SLIRP: variants seen among roughly 807,000 people sequenced by gnomAD.
SLIRP encodes SRA stem-loop-interacting RNA-binding protein, mitochondrial.
A neutral mutation model predicts 13.4 loss-of-function variants in SLIRP; 12 were observed. That is an observed-to-expected ratio of 0.89 (90% CI 0.57 to 1.45). SLIRP has a LOEUF of 1.45. Ranked by LOEUF, SLIRP falls within the 40% of genes most tolerant of loss-of-function variation. The probability of loss-of-function intolerance (pLI) is 0.00; values close to 1 mark genes in which losing one functional copy is unlikely to be tolerated. For synonymous variants in SLIRP, 55 were observed against 47.1 expected (o/e 1.17, Z -0.69); for missense variants, 154 against 132.2 (o/e 1.17, Z -0.81).
At chr14:77,710,413 G>GA (rs1473385307) in intron 1 of SLIRP, 1 of 421,540 alleles carries the variant, frequency 2.4e-6, no homozygotes, top group East Asian at 7.0e-5. Flanking sequence ...AATAAGGCAG[G>GA]AAGGGTAGGT....
At chr14:77,713,377 T>TG (rs2139879154) in intron 2 of SLIRP, among the ~76,000 whole-genome samples, 1 of 152,240 alleles carries the variant, frequency 6.6e-6, no homozygotes, top group African/African-American at 2.4e-5. Context: ...TGCAGCACTG[T>TG]AAGGGCTGTG....
intron 2 of SLIRP, among the ~76,000 whole-genome samples, chr14:77,714,836 G>A (rs142460717): frequency 1.2e-3 from 187 of 152,290 alleles, no homozygotes; most frequent in African/African-American, 4.2e-3. Context: ...GGACCAGTTT[G>A]TCATCTACAG....
At chr14:77,715,936 T>TG in intron 3 of SLIRP, 57 bp downstream of exon 3, 24 of 1,266,232 alleles carry the variant, frequency 1.9e-5, no homozygotes, top group Non-Finnish European at 2.6e-5. Context: ...ACTATTTAAT[T>TG]ATGTATCAAT....
Position 77,717,522 on chromosome 14 carries a change from A to G in SLIRP, c.291A>G (p.Lys97=). Residue 97 remains lysine (K), a synonymous_variant, in exon 4 of 4, where the codon AAA becomes AAG. Transcript: ENST00000557342. ...VKVQVHTRRP[K]LPQTSDDEKK... The stretch of plus-strand genomic sequence containing the variant: ...TCCAGGTTCACACTAGAAGGCCAAA[A>G]CTTCCGCAAACATCTGATGATGAAA... 6.2e-7 allele frequency: 1 copy of G among 1,614,076 alleles called. No individual in the cohort carries two copies. The highest frequency in any genetic ancestry group is 8.5e-7 in the Non-Finnish European group (1 of 1,180,004).
chr14:77,715,425 C>T lies in SLIRP; in HGVS notation c.157-347C>T, dbSNP rs538914105. 1.2e-4 allele frequency among the ~76,000 whole-genome samples: 19 copies of T among 152,196 alleles called. No individual in the cohort carries two copies. The East Asian group carries it at 3.7e-3, about 29-fold the overall frequency. Reference sequence around the variant, plus strand: ...TTGGGAGGCCCAGATGGGAAGATTGCTTGAGCCCAGGAGTTTGAGACCGGC... The same window carrying T: ...TTGGGAGGCCCAGATGGGAAGATTGTTTGAGCCCAGGAGTTTGAGACCGGC... On this transcript the variant is annotated intron_variant, in intron 2 of 3. Transcript: ENST00000557342.
intron 2 of SLIRP, among the ~76,000 whole-genome samples, chr14:77,713,721 T>C (rs758699073): frequency 9.2e-5 from 14 of 152,216 alleles, no homozygotes; most frequent in Non-Finnish European, 5.9e-5. Flanking sequence ...GATTAGATAT[T>C]AAGTCACTGA....
intron 3 of SLIRP, among the ~76,000 whole-genome samples, chr14:77,717,045 G>A (rs555143793): frequency 3.1e-4 from 47 of 152,274 alleles, no homozygotes; most frequent in African/African-American, 1.1e-3. Context: ...GATTACAGGC[G>A]TGAGCCACAG....
rs2080409951 is a variant in SLIRP, at chr14:77,708,137, C to T, written c.26C>T (p.Ala9Val). 11 of 1,613,814 alleles carry T rather than the reference C, an allele frequency of 6.8e-6. No individual in the cohort carries two copies. The highest frequency in any genetic ancestry group is 1.3e-5 in the African/African-American group (1 of 74,916). Residue 9 changes from alanine (A) to valine (V), a missense_variant, in exon 1 of 4, where the codon GCT becomes GTT. Transcript: ENST00000557342. Reference protein sequence around the residue: MAASAARGAAALRRSINQP... With the variant: MAASAARGVAALRRSINQP... ...ATGGCGGCCTCAGCAGCGAGAGGTG[C>T]TGCGGCGCTGCGTAGAAGTATCAAT...
At chr14:77,710,413 G>C (rs991342895) in intron 1 of SLIRP, 1 of 421,540 alleles carries the variant, frequency 2.4e-6, no homozygotes, top group South Asian at 1.8e-5. Context: ...AATAAGGCAG[G>C]AAGGGTAGGT....
In SLIRP at chr14:77,711,461, A is replaced by G. The variant is rs138180429; in HGVS notation, c.156+565A>G. 1.5e-3 allele frequency among the ~76,000 whole-genome samples: 233 copies of G among 152,104 alleles called. 2 individuals are homozygous for G. The highest frequency in any genetic ancestry group is 2.7e-3 in the Admixed American group (41 of 15,274). On this transcript the variant is annotated intron_variant, in intron 2 of 3. Coordinates refer to ENST00000557342, the MANE Select transcript of SLIRP (RefSeq NM_031210.6). Reference sequence around the variant, plus strand: ...TGCCTTGGCCTCCTGAGTAGCTGGGACTATAGACATGTGCCACCATGCCCA... The same window carrying G: ...TGCCTTGGCCTCCTGAGTAGCTGGGGCTATAGACATGTGCCACCATGCCCA...
intron 1 of SLIRP, among the ~76,000 whole-genome samples, chr14:77,710,130 AGTCTTT>A (rs1248079557): frequency 6.6e-6 from 1 of 152,208 alleles, no homozygotes; most frequent in Non-Finnish European, 1.5e-5. Flanking sequence ...TGTAGTTTTT[AGTCTTT>A]AAGATTATAT....
intron 2 of SLIRP, among the ~76,000 whole-genome samples, chr14:77,715,259 A>G (rs2080467473): frequency 6.6e-6 from 1 of 152,302 alleles, no homozygotes; most frequent in South Asian, 2.1e-4. Flanking sequence ...AATGGCAGCA[A>G]GGAAAACAGG....
intron 2 of SLIRP, among the ~76,000 whole-genome samples, chr14:77,715,083 G>T (rs2080466327): frequency 6.6e-6 from 1 of 152,152 alleles, no homozygotes; most frequent in Admixed American, 6.6e-5. Context: ...GGTGGTGAGG[G>T]TGACTGGATT....
intron 2 of SLIRP, among the ~76,000 whole-genome samples, chr14:77,713,764 G>A (rs1179832564): frequency 6.6e-6 from 1 of 152,168 alleles, no homozygotes; most frequent in African/African-American, 2.4e-5. Flanking sequence ...GAATAGAAAA[G>A]TTGGGCACAT....
chr14:77,711,398 C>T (rs1165338295), intron 2 of SLIRP, among the ~76,000 whole-genome samples: 1 of 152,100 alleles, frequency 6.6e-6, no homozygotes, highest in African/African-American at 2.4e-5. Context: ...GGCCTGATCT[C>T]ACTGCAGCCT....
intron 3 of SLIRP, chr14:77,716,098 C>T (rs562000898): frequency 3.2e-5 from 13 of 403,860 alleles, no homozygotes; most frequent in Admixed American, 2.1e-4. Context: ...GGGCGGATCA[C>T]AAGGTCAGGA....
rs568514159 is a variant in SLIRP at position 77,716,209 on chromosome 14, G to A, written c.264+330G>A. 22 of 174,264 alleles carry A rather than the reference G, an allele frequency of 1.3e-4. No individual in the cohort carries two copies. In the East Asian group the frequency reaches 3.1e-3, roughly 25 times the overall value. The allele number at this position is 174,264 out of a possible 1,614,324, so 10.8% of individuals were successfully genotyped here. A position where few individuals can be genotyped will look rare whatever the true frequency, so the allele number is the denominator to read the frequency against. ...CGGGCGCCTGTAGTCCCAGCTACTC[G>A]GGAGGCTGAGGCAGGAGAATGGCGT... is the stretch of plus-strand genomic sequence containing the variant. On this transcript the variant is annotated intron_variant, in intron 3 of 3. Coordinates refer to ENST00000557342, the MANE Select transcript of SLIRP (RefSeq NM_031210.6).
In SLIRP at chr14:77,715,130, T is replaced by C. The variant is rs147688165; in HGVS notation, c.157-642T>C. 3.8e-4 allele frequency among the ~76,000 whole-genome samples: 58 copies of C among 152,270 alleles called. 1 individual carries two copies. The East Asian group carries it at 0.011, about 28-fold the overall frequency. On this transcript the variant is annotated intron_variant, in intron 2 of 3. Coordinates refer to ENST00000557342, the MANE Select transcript of SLIRP (RefSeq NM_031210.6). ...GCAACAAGGCTTTGAGGCTTAATTT[T>C]CTAGTTTCTAGAAACGAAGCTTAGA...
At chr14:77,708,090 G>C (rs113904336), upstream of SLIRP, 67 of 1,611,604 alleles carry the variant, frequency 4.2e-5, no homozygotes, top group African/African-American at 7.3e-4. Flanking sequence ...ACCTCGGCTC[G>C]AGAAGGTGCT....
Sources: gnomAD v4.1 joint callset for allele counts (sites outside exome capture counted in the v4.1 genomes callset) on GRCh38, gnomAD v4.1.1 for gene constraint, MANE v1.5 for transcripts, NCBI Gene and HGNC (gene_info 2026-07-23, HGNC 2026-07-21) for gene names.